Variants in TMEM168 observed in about 807,000 individuals in gnomAD.
TMEM168 encodes the protein transmembrane protein 168.
A neutral mutation model predicts 53.2 loss-of-function variants in TMEM168; 40 were observed. The observed-to-expected ratio is 0.75, with a 90% CI of 0.58 to 0.98. The LOEUF is 0.98. TMEM168 is among the 50% of genes least tolerant of loss of function. TMEM168 has a pLI of 0.00. For synonymous variants in TMEM168, 282 were observed against 293.0 expected (o/e 0.96, Z 0.38); for missense variants, 771 against 828.8 (o/e 0.93, Z 0.86).
chr7:112,762,831 T>G lies in TMEM168; in HGVS notation c.*4366A>C, dbSNP rs150184038. 1.3e-5 allele frequency: 2 copies of G among 152,146 alleles called. No homozygotes were observed. Among genetic ancestry groups the G allele is most frequent in the African/African-American group, 4.8e-5 (2 of 41,548 alleles). 9.4% of individuals were successfully genotyped at this position (152,146 alleles called of 1,614,324 possible). On this transcript the variant is annotated 3_prime_UTR_variant, in exon 5 of 5. Coordinates refer to ENST00000312814, the MANE Select transcript of TMEM168 (RefSeq NM_022484.6). ...TTCTCAAAACAATTACTGCTTAAAC[T>G]TCATCGTTTTATATTGTTTCTATGT...
intron 2 of TMEM168, among the ~76,000 whole-genome samples, chr7:112,782,938 T>C (rs1793270456): frequency 6.6e-6 from 1 of 152,210 alleles, no homozygotes; most frequent in Non-Finnish European, 1.5e-5. Context: ...CCTCCTCCCA[T>C]TGGAGACTGT....
rs1792798655 is a variant in TMEM168 at position 112,767,068 on chromosome 7, G to A, written c.*129C>T. 1.1e-6 allele frequency: 1 copy of A among 938,220 alleles called. No individual in the cohort carries two copies. The highest frequency in any genetic ancestry group is 1.6e-6 in the Non-Finnish European group (1 of 643,174). The allele number at this position is 938,220 out of a possible 1,614,324, so 58.1% of individuals were successfully genotyped here. On this transcript the variant is annotated 3_prime_UTR_variant, in exon 5 of 5. Coordinates refer to ENST00000312814, the MANE Select transcript of TMEM168 (RefSeq NM_022484.6). ...TATATACCATAATTACTTAAGAAAA[G>A]ACAAAGTGAGAGCAGCTACAGAAGT...
In TMEM168 at chr7:112,784,452, T is replaced by A; in HGVS notation, c.374A>T (p.Tyr125Phe). 1 of 1,613,968 alleles carries A rather than the reference T, an allele frequency of 6.2e-7. No homozygotes were observed. The highest frequency in any genetic ancestry group is 8.5e-7 in the Non-Finnish European group (1 of 1,179,964). ...TAACACTATGGATGTTAGAAGCAAA[T>A]ATTTGGTTGATTCTTCTTTTACATC... ...KNDVKEESTK[Y>F]LLLTSIVLRI... Residue 125 changes from tyrosine (Y) to phenylalanine (F), a missense_variant, in exon 2 of 5, where the codon TAT (tyrosine) becomes TTT (phenylalanine). Tyr to Phe is a conservative substitution (Grantham distance 22). Coordinates refer to ENST00000312814, the MANE Select transcript of TMEM168 (RefSeq NM_022484.6).
chr7:112,773,094 T>C, intron 3 of TMEM168, 39 bp from the exon 4 acceptor site: 1 of 1,539,752 alleles, frequency 6.5e-7, no homozygotes, highest in Non-Finnish European at 8.8e-7. Context: ...TCATTCTATA[T>C]CACATTCTCA....
chr7:112,772,836 C>T lies in TMEM168; in HGVS notation c.1491G>A (p.Thr497=), dbSNP rs141029094. 25 of 1,613,878 alleles carry T rather than the reference C, an allele frequency of 1.5e-5. No homozygotes were observed. The highest frequency in any genetic ancestry group is 1.6e-4 in the Middle Eastern group (1 of 6,084). Residue 497 remains threonine (T), a synonymous_variant, in exon 4 of 5, where the codon ACG becomes ACA. Coordinates refer to ENST00000312814, the MANE Select transcript of TMEM168 (RefSeq NM_022484.6). ...TGTGCCCACTGTAATACAAAATATA[C>T]GTATCATGTCTGGGTCCATCCACTG... is the stretch of plus-strand genomic sequence containing the variant. ...LRTVDGPRHD[T]YILYYSGHTH... is the part of the protein sequence containing the mutation.
intron 1 of TMEM168, among the ~76,000 whole-genome samples, chr7:112,789,210 C>A (rs191267850): frequency 2.0e-5 from 3 of 152,130 alleles, no homozygotes; most frequent in Non-Finnish European, 4.4e-5. Flanking sequence ...TCAGATAAAT[C>A]ATTTTCTTAA....
chr7:112,784,282 A>C lies in TMEM168; in HGVS notation c.544T>G (p.Leu182Val), dbSNP rs762679141. ...AGCATAGCCAGAGCTACAACAAGCA[A>C]AATGACACTCAGAGACTTCTCCACC... is the stretch of plus-strand genomic sequence containing the variant. Reference protein sequence around the residue: ...MLVEKSLSVILLVVALAMLII... With the variant: ...MLVEKSLSVIVLVVALAMLII... The change falls in exon 2 of 5, where the codon TTG (leucine) becomes GTG (valine). Residue 182 changes from leucine to valine, a missense_variant. Coordinates refer to ENST00000312814, the MANE Select transcript of TMEM168 (RefSeq NM_022484.6). 1.9e-5 allele frequency: 31 copies of C among 1,614,080 alleles called. No homozygotes were observed. The South Asian group carries it at 3.2e-4, about 17-fold the overall frequency.
Position 112,765,534 on chromosome 7 carries a change from T to G in TMEM168, c.*1663A>C, listed in dbSNP as rs889007454. On this transcript the variant is annotated 3_prime_UTR_variant, in exon 5 of 5. Transcript: ENST00000312814. Reference sequence around the variant, plus strand: ...AGCTAAAAGCTCATAATTTTAACATTTGGCTTTTCTACTACCCTACTGCTG... The same window carrying G: ...AGCTAAAAGCTCATAATTTTAACATGTGGCTTTTCTACTACCCTACTGCTG... The G allele has an allele frequency of 6.6e-6, 1 of 152,178 alleles. No individual in the cohort carries two copies. The allele number at this position is 152,178 out of a possible 1,614,324, so 9.4% of individuals were successfully genotyped here.
chr7:112,783,390 C>A (rs549271307), intron 2 of TMEM168, among the ~76,000 whole-genome samples: 4 of 152,286 alleles, frequency 2.6e-5, no homozygotes, highest in Non-Finnish European at 5.9e-5. Context: ...AAAATACAAT[C>A]TTTAAATACT....
rs6950616 is a variant in TMEM168 at position 112,787,693 on chromosome 7, C to T, written c.-129+2467G>A. ...CCTCCCAAAGTTCTGGGATTACAGG[C>T]GTGAGCCACTGCGACTGGCATTTTT... On this transcript the variant is annotated intron_variant, in intron 1 of 4. Coordinates refer to ENST00000312814, the MANE Select transcript of TMEM168 (RefSeq NM_022484.6). Among the ~76,000 whole-genome samples, 478 of 127,016 alleles carry T rather than the reference C, an allele frequency of 3.8e-3. 2 individuals carry two copies. Among genetic ancestry groups the T allele is most frequent in the African/African-American group, 0.013 (445 of 34,166 alleles). The allele number at this position is 127,016 out of a possible 152,430, so 83.3% of individuals were successfully genotyped here. A position where few individuals can be genotyped will look rare whatever the true frequency, so the allele number is the denominator to read the frequency against.
chr7:112,786,691 G>T (rs902027726), intron 1 of TMEM168, among the ~76,000 whole-genome samples: 1 of 151,912 alleles, frequency 6.6e-6, no homozygotes, highest in East Asian at 1.9e-4. Context: ...GGTACAATCT[G>T]GGCTCAGACT....
intron 1 of TMEM168, among the ~76,000 whole-genome samples, chr7:112,788,003 A>G (rs900660595): frequency 6.6e-6 from 1 of 152,078 alleles, no homozygotes; most frequent in Admixed American, 6.5e-5. Context: ...AAGTGCTGGG[A>G]TTACAGGTGT....
chr7:112,767,111 A>G lies in TMEM168; in HGVS notation c.*86T>C. 7.4e-7 allele frequency: 1 copy of G among 1,347,968 alleles called. No individual in the cohort carries two copies. The highest frequency in any genetic ancestry group is 1.0e-6 in the Non-Finnish European group (1 of 991,766). The allele number at this position is 1,347,968 out of a possible 1,614,324, so 83.5% of individuals were successfully genotyped here. On this transcript the variant is annotated 3_prime_UTR_variant, in exon 5 of 5. Transcript: ENST00000312814. ...ACAGAAGTAGCAAGGTATTTTCCACAAATAAAAATACAGCATACAAAAAAT... is the reference window on the plus strand; with the variant it reads ...ACAGAAGTAGCAAGGTATTTTCCACGAATAAAAATACAGCATACAAAAAAT...
chr7:112,772,138 C>T (rs1240835360), intron 4 of TMEM168, among the ~76,000 whole-genome samples: 2 of 152,050 alleles, frequency 1.3e-5, no homozygotes, highest in Non-Finnish European at 2.9e-5. Flanking sequence ...TTCTATTTCC[C>T]ATAATGCATG....
At chr7:112,776,687 G>C (rs919591301) in intron 2 of TMEM168, among the ~76,000 whole-genome samples, 2 of 150,338 alleles carry the variant, frequency 1.3e-5, no homozygotes. Context: ...TCATCTATAC[G>C]CACAGCTACT....
At chr7:112,768,770 G>GA (rs1272201619) in intron 4 of TMEM168, among the ~76,000 whole-genome samples, 10 of 151,760 alleles carry the variant, frequency 6.6e-5, no homozygotes, top group Non-Finnish European at 1.3e-4. Flanking sequence ...CCAATTCTAC[G>GA]AATCTATCTT....
intron 1 of TMEM168, among the ~76,000 whole-genome samples, chr7:112,787,751 A>ATTTTTTTTTTTT (rs1793430030): frequency 2.8e-5 from 1 of 35,826 alleles, no homozygotes; most frequent in Non-Finnish European, 4.8e-5. Context: ...TTTTTTTTTG[A>ATTTTTTTTTTTT]GACAGAGTTT....
chr7:112,769,959 A>G (rs780128540), intron 4 of TMEM168, among the ~76,000 whole-genome samples: 1 of 152,222 alleles, frequency 6.6e-6, no homozygotes, highest in Non-Finnish European at 1.5e-5. Flanking sequence ...CGATATTAAT[A>G]CTGGGCCTGC....
rs1304827765 is a variant in TMEM168, at chr7:112,764,296, A to G, written c.*2901T>C. 1 of 151,914 alleles carries G rather than the reference A, an allele frequency of 6.6e-6. No homozygotes were observed. The highest frequency in any genetic ancestry group is 2.4e-5 in the African/African-American group (1 of 41,378). The allele number at this position is 151,914 out of a possible 1,614,324, so 9.4% of individuals were successfully genotyped here. A position where few individuals can be genotyped will look rare whatever the true frequency, so the allele number is the denominator to read the frequency against. On this transcript the variant is annotated 3_prime_UTR_variant, in exon 5 of 5. Transcript: ENST00000312814. ...TACTAAACAAAGTTATGTTGAAAAA[A>G]TCTCCATGTTACCTCTTTTTAGTAG... is the stretch of plus-strand genomic sequence containing the variant.
Sources: allele counts gnomAD v4.1 joint callset (sites outside exome capture counted in the v4.1 genomes callset), GRCh38; gene constraint gnomAD v4.1.1; transcripts MANE v1.5; gene names NCBI Gene and HGNC (gene_info 2026-07-23, HGNC 2026-07-21).